MIDEAS: variants seen among roughly 807,000 people sequenced by gnomAD.
MIDEAS encodes the protein mitotic deacetylase-associated SANT domain protein.
MIDEAS carries 26 observed loss-of-function variants against 102.7 expected under a neutral mutation model. That is an observed-to-expected ratio of 0.25 (90% confidence interval 0.19 to 0.35). The LOEUF (loss-of-function observed/expected upper bound fraction) is 0.35, where lower values mean the gene tolerates loss of function less well. Ranked by LOEUF, MIDEAS falls within the 10% of genes least tolerant of loss-of-function variation. The pLI, the probability that MIDEAS is intolerant of heterozygous loss-of-function variation, is 1.00. For missense variants in MIDEAS, 1,231 were observed against 1,435.6 expected, an observed-to-expected ratio of 0.86 and a Z score of 2.30; for synonymous variants, 585 against 591.0, an observed-to-expected ratio of 0.99 and a Z score of 0.15.
chr14:73,764,092 C>T (rs1246896414), upstream of MIDEAS, among the ~76,000 whole-genome samples: 1 of 152,192 alleles, frequency 6.6e-6, no homozygotes, highest in Non-Finnish European at 1.5e-5. Flanking sequence ...GTAATCCTAG[C>T]ACTTTGGGAG....
In MIDEAS at chr14:73,739,308, G is replaced by A. The variant is rs2053250603; in HGVS notation, c.701C>T (p.Pro234Leu). The A allele has an allele frequency of 6.2e-7, 1 of 1,610,598 alleles. No individual in the cohort carries two copies. Among genetic ancestry groups the A allele is most frequent in the Non-Finnish European group, 8.5e-7 (1 of 1,179,046 alleles). The change falls in exon 2 of 13, where the codon CCA becomes CTA. Residue 234 changes from proline (P) to leucine (L), a missense_variant. Pro to Leu is a moderately conservative substitution (Grantham distance 98). This residue lies in a region of MIDEAS where 758 missense variants were observed against 856.0 expected (regional missense o/e 0.89). Transcript: ENST00000423556. ...QVNRQVFRQG[P>L]PPPNPVAAFP... ...GGCAGCCACCGGGTTTGGGGGCGGTGGGCCCTGCCGGAAGACCTGCCGGTT... is the reference window on the plus strand; with the variant it reads ...GGCAGCCACCGGGTTTGGGGGCGGTAGGCCCTGCCGGAAGACCTGCCGGTT...
At chr14:73,722,673 C>A in intron 10 of MIDEAS, 25 bp downstream of exon 10, 1 of 1,611,130 alleles carries the variant, frequency 6.2e-7, no homozygotes, top group Non-Finnish European at 8.5e-7. Flanking sequence ...AGGCTCTATG[C>A]AGCTGAGGTT....
chr14:73,739,921 G>A lies in MIDEAS; in HGVS notation c.88C>T (p.Pro30Ser), dbSNP rs150211207. The change falls in exon 2 of 13, where the codon CCT becomes TCT. Residue 30 changes from proline (P) to serine (S), a missense_variant. This residue lies in a region of MIDEAS where 758 missense variants were observed against 856.0 expected (regional missense o/e 0.89). Transcript: ENST00000423556. Reference protein sequence around the residue: ...GQEPAPKEQPPPLQPPQQSIR... With the variant: ...GQEPAPKEQPSPLQPPQQSIR... Reference sequence around the variant, plus strand: ...GACTGCTGGGGGGGCTGCAGGGGAGGGGGCTGCTCCTTGGGAGCTGGTTCC... The same window carrying A: ...GACTGCTGGGGGGGCTGCAGGGGAGAGGGCTGCTCCTTGGGAGCTGGTTCC... 389 of 1,531,722 alleles carry A rather than the reference G, an allele frequency of 2.5e-4. No individual in the cohort carries two copies. The African/African-American group carries it at 4.1e-3, about 16-fold the overall frequency. The allele number at this position is 1,531,722 out of a possible 1,614,324, so 94.9% of individuals were successfully genotyped here. A position where few individuals can be genotyped will look rare whatever the true frequency, so the allele number is the denominator to read the frequency against.
chr14:73,753,777 G>A (rs1049290584), intron 1 of MIDEAS, among the ~76,000 whole-genome samples: 1 of 152,186 alleles, frequency 6.6e-6, no homozygotes, highest in African/African-American at 2.4e-5. Flanking sequence ...ACAGACCCAG[G>A]AGAGAGAGGT....
intron 1 of MIDEAS, among the ~76,000 whole-genome samples, chr14:73,757,162 C>T (rs1333130189): frequency 6.7e-6 from 1 of 150,078 alleles, no homozygotes; most frequent in African/African-American, 2.5e-5. Flanking sequence ...GTCCCAGCTA[C>T]TTGGGAGGCT....
chr14:73,778,291 A>T (rs1314462718), intron 1 of MIDEAS, among the ~76,000 whole-genome samples: 1 of 151,204 alleles, frequency 6.6e-6, no homozygotes, highest in African/African-American at 2.4e-5. Flanking sequence ...TGAACCTGGG[A>T]GGCGGAGGTT....
intron 1 of MIDEAS, among the ~76,000 whole-genome samples, chr14:73,749,145 C>A (rs1054103201): frequency 1.3e-5 from 2 of 152,264 alleles, no homozygotes; most frequent in Non-Finnish European, 2.9e-5. Flanking sequence ...CTATATAGAA[C>A]ACTCCACCTA....
At chr14:73,750,288 C>G (rs1022165234) in intron 1 of MIDEAS, among the ~76,000 whole-genome samples, 5 of 150,400 alleles carry the variant, frequency 3.3e-5, no homozygotes, top group African/African-American at 1.2e-4. Context: ...CTTTCCACCA[C>G]CCTCCCAGAA....
Position 73,725,396 on chromosome 14 carries a change from G to T in MIDEAS, c.2486-36C>A. The stretch of plus-strand genomic sequence containing the variant: ...AAGAGGCAGCCAGGGAGTGAGGTGG[G>T]CAGGGCCCTGGCCACTGCAGGGCAA... On this transcript the variant is annotated intron_variant, in intron 8 of 12. Coordinates refer to ENST00000423556, the MANE Select transcript of MIDEAS (RefSeq NM_001367710.1). The surrounding 1 kb of genome is among the most constrained non-coding windows in gnomAD (Gnocchi z 4.1). The T allele has an allele frequency of 1.3e-6, 2 of 1,570,992 alleles. No individual in the cohort carries two copies. The highest frequency in any genetic ancestry group is 2.2e-5 in the South Asian group (2 of 90,162).
chr14:73,786,432 T>C (rs1259051021), intron 1 of MIDEAS, among the ~76,000 whole-genome samples: 1 of 152,156 alleles, frequency 6.6e-6, no homozygotes, highest in East Asian at 1.9e-4. Flanking sequence ...TGTACGTGGG[T>C]GTGCTGACAG....
intron 1 of MIDEAS, among the ~76,000 whole-genome samples, chr14:73,753,244 G>A (rs1307370607): frequency 1.3e-5 from 2 of 152,204 alleles, no homozygotes; most frequent in African/African-American, 2.4e-5. Flanking sequence ...GAGGCAGCAG[G>A]GAGGTCTTCC....
At chr14:73,741,235 T>G (rs2053277637) in intron 1 of MIDEAS, among the ~76,000 whole-genome samples, 1 of 152,216 alleles carries the variant, frequency 6.6e-6, no homozygotes, top group South Asian at 2.1e-4. Flanking sequence ...AGTTTTTCCA[T>G]TTTTGTTTCG....
chr14:73,774,888 C>T (rs545138033), intron 1 of MIDEAS, among the ~76,000 whole-genome samples: 1 of 152,176 alleles, frequency 6.6e-6, no homozygotes, highest in East Asian at 2.0e-4. Context: ...CTTCTCGTTC[C>T]TGTCACAGAG....
At chr14:73,748,997 C>T (rs2053387951) in intron 1 of MIDEAS, among the ~76,000 whole-genome samples, 1 of 152,062 alleles carries the variant, frequency 6.6e-6, no homozygotes, top group Admixed American at 6.6e-5. Flanking sequence ...CAATACTCTA[C>T]TTTTTTTCAT....
chr14:73,765,660 A>C (rs1456576050), intron 1 of MIDEAS, among the ~76,000 whole-genome samples: 3 of 152,172 alleles, frequency 2.0e-5, no homozygotes, highest in African/African-American at 7.2e-5. Context: ...CCACATGGCT[A>C]AACAACCTGA....
intron 11 of MIDEAS, among the ~76,000 whole-genome samples, chr14:73,720,125 C>G (rs915418931): frequency 1.3e-5 from 2 of 152,036 alleles, no homozygotes; most frequent in Admixed American, 6.5e-5. Flanking sequence ...CTGTAGAGCG[C>G]TACACAGAGC....
At chr14:73,789,683 C>G (rs1188288376), upstream of MIDEAS, 2 of 152,294 alleles carry the variant, frequency 1.3e-5, no homozygotes, top group African/African-American at 4.8e-5. Context: ...AGAGCCAGAT[C>G]TAAGCATAAC....
chr14:73,737,431 C>T, intron 2 of MIDEAS, 134 bp from the exon 3 acceptor site: 1 of 1,007,134 alleles, frequency 9.9e-7, no homozygotes, highest in Non-Finnish European at 1.4e-6. Flanking sequence ...CAAGACCAGC[C>T]TGGGCAACAT....
In MIDEAS at chr14:73,725,935, C is replaced by T. The variant is rs2053053982; in HGVS notation, c.2485+98G>A. ...TGGCTTATCTACCCTCCTCCTCCCG[C>T]CCCCACCCAGGGCTGTGACTCAGCA... is the stretch of plus-strand genomic sequence containing the variant. On this transcript the variant is annotated intron_variant, in intron 8 of 12. Coordinates refer to ENST00000423556, the MANE Select transcript of MIDEAS (RefSeq NM_001367710.1). The surrounding 1 kb of genome is among the most constrained non-coding windows in gnomAD (Gnocchi z 4.1). 1 of 1,084,692 alleles carries T rather than the reference C, an allele frequency of 9.2e-7. No individual in the cohort carries two copies. The highest frequency in any genetic ancestry group is 1.4e-6 in the Non-Finnish European group (1 of 728,104). The allele number at this position is 1,084,692 out of a possible 1,614,324, so 67.2% of individuals were successfully genotyped here. A position where few individuals can be genotyped will look rare whatever the true frequency, so the allele number is the denominator to read the frequency against.
Sources: allele counts gnomAD v4.1 joint callset (sites outside exome capture counted in the v4.1 genomes callset), GRCh38; gene constraint gnomAD v4.1.1; regional missense constraint gnomAD v4.1.1; non-coding constraint Gnocchi (gnomAD v3.1); transcripts MANE v1.5; gene names NCBI Gene and HGNC (gene_info 2026-07-23, HGNC 2026-07-21).